SACM1L: variants seen among roughly 807,000 people sequenced by gnomAD.
The protein encoded by SACM1L is phosphatidylinositol-3-phosphatase SAC1.
Under a neutral mutation model 89.5 loss-of-function variants are expected in SACM1L, and 32 were observed. The observed-to-expected ratio is 0.36, with a 90% CI of 0.27 to 0.48. The LOEUF is 0.48. SACM1L is among the 20% of genes least tolerant of loss of function. The pLI is 0.99. For synonymous variants in SACM1L, 213 were observed against 232.8 expected (o/e 0.92, Z 0.77); for missense variants, 543 against 708.5 (o/e 0.77, Z 2.65).
chr3:45,705,253 A>ATTTAACTACCTT, intron 3 of SACM1L, 44 bp downstream of exon 3: 1 of 1,218,766 alleles, frequency 8.2e-7, no homozygotes, highest in Non-Finnish European at 1.2e-6. Flanking sequence ...GTAATTAGCA[A>ATTTAACTACCTT]GGTAGTTAAA....
At chr3:45,693,481 G>A (rs752909570) in intron 1 of SACM1L, among the ~76,000 whole-genome samples, 4 of 152,324 alleles carry the variant, frequency 2.6e-5, no homozygotes, top group South Asian at 4.1e-4. Flanking sequence ...GTCATTTCAT[G>A]TATATTGTCT....
In SACM1L at chr3:45,703,536, G is replaced by T; in HGVS notation, c.130+1G>T. ...GTGTCCACAGAGGTTACCCTTGCAGGTATTTTACAGCCAGATTTAGAAGTT... is the reference window on the plus strand; with the variant it reads ...GTGTCCACAGAGGTTACCCTTGCAGTTATTTTACAGCCAGATTTAGAAGTT... On this transcript the variant is annotated splice_donor_variant, in intron 2 of 19. Transcript: ENST00000389061. LOFTEE classifies it high-confidence loss of function. 2 of 1,589,698 alleles carry T rather than the reference G, an allele frequency of 1.3e-6. No individual in the cohort carries two copies. The highest frequency in any genetic ancestry group is 1.1e-5 in the South Asian group (1 of 90,194).
Position 45,705,479 on chromosome 3 carries a change from T to C in SACM1L, c.205+270T>C, listed in dbSNP as rs544850917. 2.0e-5 allele frequency among the ~76,000 whole-genome samples: 3 copies of C among 151,334 alleles called. No individual in the cohort carries two copies. The South Asian group carries it at 6.2e-4, about 31-fold the overall frequency. The stretch of plus-strand genomic sequence containing the variant: ...TCCTTAGCTAGATAATTTTCACAAA[T>C]GGAGTATGTAAATAAAATTTTTTTT... On this transcript the variant is annotated intron_variant, in intron 3 of 19. Transcript: ENST00000389061.
intron 19 of SACM1L, among the ~76,000 whole-genome samples, chr3:45,743,159 A>G (rs1699352939): frequency 6.6e-6 from 1 of 152,212 alleles, no homozygotes; most frequent in Non-Finnish European, 1.5e-5. Flanking sequence ...TAAACTTAAT[A>G]GTTATTTGTA....
intron 5 of SACM1L, among the ~76,000 whole-genome samples, chr3:45,711,071 G>A (rs922120147): frequency 6.6e-6 from 1 of 152,168 alleles, no homozygotes; most frequent in Non-Finnish European, 1.5e-5. Context: ...TTGCTATAAT[G>A]GTGATATGTA....
At chr3:45,739,304 G>A (rs1229718218) in intron 18 of SACM1L, among the ~76,000 whole-genome samples, 1 of 152,152 alleles carries the variant, frequency 6.6e-6, no homozygotes, top group Non-Finnish European at 1.5e-5. Flanking sequence ...ATGGAAGGGA[G>A]GCCTAGTGTT....
chr3:45,711,243 G>A (rs944808745), intron 5 of SACM1L, among the ~76,000 whole-genome samples: 9 of 152,116 alleles, frequency 5.9e-5, no homozygotes, highest in African/African-American at 1.4e-4. Context: ...ACAGTGGGCC[G>A]GGGGGTTCCA....
In SACM1L at chr3:45,732,101, T is replaced by C. The variant is rs773275569; in HGVS notation, c.1050T>C (p.Asp350=). 2.5e-6 allele frequency: 4 copies of C among 1,606,112 alleles called. No individual in the cohort carries two copies. Among genetic ancestry groups the C allele is most frequent in the Non-Finnish European group, 1.7e-6 (2 of 1,177,388 alleles). Residue 350 remains aspartate, a synonymous_variant, in exon 13 of 20, where the codon GAT becomes GAC. Transcript: ENST00000389061. ...FHKECKNMRW[D]RLSILLDQVA... ...AGGAATGTAAAAATATGAGATGGGATCGACTAAGTATTTTATTGGATCAGG... is the reference window on the plus strand; with the variant it reads ...AGGAATGTAAAAATATGAGATGGGACCGACTAAGTATTTTATTGGATCAGG...
intron 7 of SACM1L, among the ~76,000 whole-genome samples, chr3:45,714,731 T>A (rs1446035666): frequency 2.0e-5 from 3 of 152,194 alleles, no homozygotes; most frequent in African/African-American, 7.2e-5. Context: ...AGAGTACAGA[T>A]ACAAAATGAG....
At chr3:45,699,306 A>T (rs1698205990) in intron 1 of SACM1L, among the ~76,000 whole-genome samples, 1 of 151,444 alleles carries the variant, frequency 6.6e-6, no homozygotes, top group African/African-American at 2.4e-5. Flanking sequence ...TAAATAAAAA[A>T]ATAATAGTAG....
chr3:45,742,436 G>A (rs1699335681), intron 19 of SACM1L, among the ~76,000 whole-genome samples: 1 of 152,150 alleles, frequency 6.6e-6, no homozygotes, highest in Non-Finnish European at 1.5e-5. Flanking sequence ...AAGGAGTCTG[G>A]ATGCTAGTTT....
Position 45,714,093 on chromosome 3 carries a change from A to G in SACM1L, c.577+14A>G, listed in dbSNP as rs1277124455. The G allele has an allele frequency of 6.6e-7, 1 of 1,508,632 alleles. No homozygotes were observed. The highest frequency in any genetic ancestry group is 9.0e-7 in the Non-Finnish European group (1 of 1,112,906). The allele number at this position is 1,508,632 out of a possible 1,614,324, so 93.5% of individuals were successfully genotyped here. A position where few individuals can be genotyped will look rare whatever the true frequency, so the allele number is the denominator to read the frequency against. On this transcript the variant is annotated intron_variant, in intron 7 of 19. Coordinates refer to ENST00000389061, the MANE Select transcript of SACM1L (RefSeq NM_014016.5). ...TGTTACATGGCTGTATCCTTACATG[A>G]TATTACTCTTTAGTTTCTAGATGCC...
chr3:45,698,786 T>C (rs9825559), intron 1 of SACM1L, among the ~76,000 whole-genome samples: 73,098 of 151,470 alleles, frequency 0.48, 18,132 homozygotes, highest in Middle Eastern at 0.57. Flanking sequence ...AACTCCTAAC[T>C]TCACGGAGTC....
intron 19 of SACM1L, chr3:45,739,918 T>A: frequency 1.1e-5 from 5 of 467,264 alleles, no homozygotes; most frequent in Non-Finnish European, 1.5e-5. Context: ...TCAGTCAGTT[T>A]AGAGGCTTAA....
At chr3:45,722,410 A>C (rs1285974125) in intron 9 of SACM1L, among the ~76,000 whole-genome samples, 1 of 152,078 alleles carries the variant, frequency 6.6e-6, no homozygotes, top group African/African-American at 2.4e-5. Flanking sequence ...ATGGCTTATA[A>C]TTGACTTTAC....
intron 11 of SACM1L, among the ~76,000 whole-genome samples, chr3:45,724,846 A>C (rs145748684): frequency 4.9e-4 from 75 of 152,258 alleles, no homozygotes; most frequent in African/African-American, 1.6e-3. Context: ...TTAAAACTGC[A>C]CATGAGTTAA....
chr3:45,696,233 G>T (rs145316545), intron 1 of SACM1L, among the ~76,000 whole-genome samples: 5 of 151,978 alleles, frequency 3.3e-5, no homozygotes, highest in African/African-American at 1.2e-4. Context: ...TCCTGACCTC[G>T]TGATCCGCCT....
chr3:45,705,144 A>G lies in SACM1L; in HGVS notation c.140A>G (p.Asp47Gly), dbSNP rs765637514. 1.2e-6 allele frequency: 2 copies of G among 1,605,844 alleles called. No individual in the cohort carries two copies. The highest frequency in any genetic ancestry group is 1.3e-5 in the African/African-American group (1 of 74,616). Reference sequence around the variant, plus strand: ...TTCCTTTCTTTTAAAGTCAAGAAAGATGTTCCTCCTTCAGCTGTCACAAGA... The same window carrying G: ...TTCCTTTCTTTTAAAGTCAAGAAAGGTGTTCCTCCTTCAGCTGTCACAAGA... ...STEVTLAVKKDVPPSAVTRPI... is the reference protein window; with the variant it reads ...STEVTLAVKKGVPPSAVTRPI... The change falls in exon 3 of 20, where the codon GAT becomes GGT. Residue 47 changes from aspartate (D) to glycine (G), a missense_variant. Around this residue, in one of 2 missense-constraint regions of SACM1L, gnomAD observed 173 missense variants for 180.9 expected, o/e 0.96. Coordinates refer to ENST00000389061, the MANE Select transcript of SACM1L (RefSeq NM_014016.5).
intron 1 of SACM1L, among the ~76,000 whole-genome samples, chr3:45,694,238 T>A (rs2673057): frequency 0.48 from 73,322 of 151,996 alleles, 18,221 homozygotes; most frequent in Middle Eastern, 0.57. Context: ...AATCCTTTAG[T>A]TACTGCATCA....
Sources: allele counts gnomAD v4.1 joint callset (sites outside exome capture counted in the v4.1 genomes callset), GRCh38; gene constraint gnomAD v4.1.1; regional missense constraint gnomAD v4.1.1; transcripts MANE v1.5; gene names NCBI Gene and HGNC (gene_info 2026-07-23, HGNC 2026-07-21).